IDE: variants seen among roughly 807,000 people sequenced by gnomAD.
IDE encodes insulin degrading enzyme.
IDE carries 58 observed loss-of-function variants against 133.2 expected under a neutral mutation model. That is an observed-to-expected ratio of 0.44 (90% confidence interval 0.35 to 0.54). The LOEUF is 0.54. Ranked by LOEUF, IDE falls within the 20% of genes least tolerant of loss-of-function variation. The pLI, the probability that IDE is intolerant of heterozygous loss-of-function variation, is 0.00. For synonymous variants in IDE, 396 were observed against 421.3 expected, an observed-to-expected ratio of 0.94 and a Z score of 0.73; for missense variants, 981 against 1,234.0, an observed-to-expected ratio of 0.79 and a Z score of 3.07.
At position 92,463,721 on chromosome 10, in the gene IDE, TTTACC is replaced by T; in HGVS notation, c.2761+5_2761+9del. ...ATGCCATAAATGTTGGAGCCCTAAT[TTTACC>T]TTACCTCTGTCAAAATTATATTGCT... On this transcript the variant is annotated splice_donor_5th_base_variant and intron_variant, in intron 21 of 24. Transcript: ENST00000265986. 3 of 1,610,638 alleles carry T rather than the reference TTTACC, an allele frequency of 1.9e-6. No individual in the cohort carries two copies. Among genetic ancestry groups the T allele is most frequent in the Non-Finnish European group, 2.5e-6 (3 of 1,177,568 alleles).
chr10:92,521,469 C>A (rs1194551777), intron 4 of IDE, among the ~76,000 whole-genome samples: 2 of 150,688 alleles, frequency 1.3e-5, no homozygotes, highest in Admixed American at 6.6e-5. Context: ...AAATAAATTC[C>A]AAGAGGGGAG....
At chr10:92,565,163 G>A (rs1353959380) in intron 1 of IDE, among the ~76,000 whole-genome samples, 1 of 150,538 alleles carries the variant, frequency 6.6e-6, no homozygotes, top group African/African-American at 2.4e-5. Context: ...AGAATTGCTT[G>A]AACCCAGGAG....
chr10:92,524,913 T>TCAAA (rs943257249), intron 4 of IDE, among the ~76,000 whole-genome samples: 13 of 140,278 alleles, frequency 9.3e-5, no homozygotes, highest in Admixed American at 2.2e-4. Context: ...AGACTCCATC[T>TCAAA]CAAACAAACA....
intron 4 of IDE, among the ~76,000 whole-genome samples, chr10:92,515,654 C>T (rs1468743688): frequency 1.3e-5 from 2 of 150,260 alleles, no homozygotes; most frequent in African/African-American, 4.9e-5. Flanking sequence ...CTCCGCCTCC[C>T]GGGTTCAAGT....
intron 1 of IDE, among the ~76,000 whole-genome samples, chr10:92,545,553 A>G (rs914233103): frequency 6.6e-6 from 1 of 152,244 alleles, no homozygotes; most frequent in Admixed American, 6.5e-5. Context: ...GCTGATAATC[A>G]TCATTCATTT....
intron 1 of IDE, among the ~76,000 whole-genome samples, chr10:92,542,521 G>A (rs1842356598): frequency 6.6e-6 from 1 of 151,786 alleles, no homozygotes; most frequent in African/African-American, 2.4e-5. Context: ...CAAACTCCTG[G>A]GCGCAAGAGA....
In IDE at chr10:92,463,893, A is replaced by G. The variant is rs1012143879; in HGVS notation, c.2599T>C (p.Leu867=). Residue 867 remains leucine, a synonymous_variant, in exon 21 of 25, where the codon TTA becomes CTA. Coordinates refer to ENST00000265986, the MANE Select transcript of IDE (RefSeq NM_004969.4). ...HYLESRVEAF[L]ITMEKSIEDM... is the part of the protein sequence containing the mutation. ...TCTATGGACTTTTCCATGGTAATTAAGAAAGCTTCCACTCTGCTTTCTAGG... is the reference window on the plus strand; with the variant it reads ...TCTATGGACTTTTCCATGGTAATTAGGAAAGCTTCCACTCTGCTTTCTAGG... The G allele has an allele frequency of 1.2e-6, 2 of 1,614,066 alleles. No individual in the cohort carries two copies. Among genetic ancestry groups the G allele is most frequent in the Admixed American group, 1.7e-5 (1 of 59,998 alleles).
chr10:92,497,691 G>C, intron 11 of IDE: 2 of 980,838 alleles, frequency 2.0e-6, no homozygotes, highest in Non-Finnish European at 2.4e-6. Flanking sequence ...ACCCTAGTCT[G>C]GTCTGGCAGC....
At chr10:92,551,012 T>C (rs1345170785) in intron 1 of IDE, among the ~76,000 whole-genome samples, 2 of 152,318 alleles carry the variant, frequency 1.3e-5, no homozygotes, top group East Asian at 1.9e-4. Flanking sequence ...CTCAGAAAAT[T>C]AGAAATAGAA....
chr10:92,459,592 A>G lies in IDE; in HGVS notation c.2823+1599T>C, dbSNP rs530038640. ...TAAGGTACTATGGTAATCACAGAGT[A>G]TAATTTTGCTCCTTATTTTGAAAAA... On this transcript the variant is annotated intron_variant, in intron 22 of 24. Transcript: ENST00000265986. Among the ~76,000 whole-genome samples, 3 of 152,344 alleles carry G rather than the reference A, an allele frequency of 2.0e-5. No individual in the cohort carries two copies. In the South Asian group the frequency reaches 6.2e-4, roughly 32 times the overall value.
At chr10:92,538,963 A>G (rs1353446049) in intron 1 of IDE, among the ~76,000 whole-genome samples, 1 of 152,200 alleles carries the variant, frequency 6.6e-6, no homozygotes, top group East Asian at 1.9e-4. Flanking sequence ...TGACAGCTAG[A>G]TTTAAACGTA....
intron 5 of IDE, among the ~76,000 whole-genome samples, chr10:92,510,679 G>GAT (rs542525124): frequency 1.1e-4 from 16 of 150,494 alleles, no homozygotes; most frequent in African/African-American, 1.5e-4. Flanking sequence ...TCACATATAT[G>GAT]ATATATATCA....
chr10:92,461,327 T>A, intron 21 of IDE, 75 bp from the exon 22 acceptor site: 1 of 714,276 alleles, frequency 1.4e-6, no homozygotes, highest in Non-Finnish European at 2.5e-6. Context: ...TAAATGACAA[T>A]ATACTTCACT....
At chr10:92,499,469 G>T (rs1011372418) in intron 11 of IDE, among the ~76,000 whole-genome samples, 2 of 151,572 alleles carry the variant, frequency 1.3e-5, no homozygotes, top group East Asian at 3.9e-4. Context: ...GTCTCACCCT[G>T]TTGCCCAGGC....
At chr10:92,461,323 A>T (rs1056592053) in intron 21 of IDE, 71 bp from the exon 22 acceptor site, 10 of 740,374 alleles carry the variant, frequency 1.4e-5, no homozygotes, top group African/African-American at 3.5e-5. Flanking sequence ...ACACTAAATG[A>T]CAATATACTT....
At chr10:92,472,421 C>T (rs1846014370) in intron 17 of IDE, among the ~76,000 whole-genome samples, 1 of 152,120 alleles carries the variant, frequency 6.6e-6, no homozygotes, top group Non-Finnish European at 1.5e-5. Context: ...TGACCATAAT[C>T]ATTTTGCAAA....
intron 8 of IDE, 100 bp from the exon 9 acceptor site, chr10:92,507,766 C>T (rs1848374674): frequency 1.3e-6 from 1 of 751,776 alleles, no homozygotes; most frequent in Non-Finnish European, 2.4e-6. Flanking sequence ...AAGATGGTCC[C>T]TCTTAGAAAA....
intron 22 of IDE, among the ~76,000 whole-genome samples, chr10:92,460,127 ACG>A (rs1313460639): frequency 6.6e-6 from 1 of 152,016 alleles, no homozygotes; most frequent in Non-Finnish European, 1.5e-5. Flanking sequence ...GTGAGCCACC[ACG>A]CCCAGCCGGT....
chr10:92,499,254 GCT>G (rs1475646022), intron 11 of IDE, among the ~76,000 whole-genome samples: 2 of 151,876 alleles, frequency 1.3e-5, no homozygotes, highest in African/African-American at 2.4e-5. Context: ...CATGATCTTG[GCT>G]CACTGCAACC....
Sources: gnomAD v4.1 joint callset for allele counts (sites outside exome capture counted in the v4.1 genomes callset) on GRCh38, gnomAD v4.1.1 for gene constraint, MANE v1.5 for transcripts, NCBI Gene and HGNC (gene_info 2026-07-23, HGNC 2026-07-21) for gene names.